RAD51B: variants seen among roughly 807,000 people sequenced by gnomAD.
RAD51B encodes the protein DNA repair protein RAD51 homolog 2.
A neutral mutation model predicts 42.2 loss-of-function variants in RAD51B; 38 were observed. The observed-to-expected ratio is 0.90, with a 90% confidence interval of 0.70 to 1.18. RAD51B has a LOEUF of 1.18. Ranked by LOEUF, RAD51B falls within the 50% of genes most tolerant of loss-of-function variation. The probability of loss-of-function intolerance (pLI) is 0.00; values close to 1 mark genes in which losing one functional copy is unlikely to be tolerated. For synonymous variants in RAD51B, 154 were observed against 145.2 expected, an observed-to-expected ratio of 1.06 and a Z score of -0.43; for missense variants, 373 against 400.7, an observed-to-expected ratio of 0.93 and a Z score of 0.59.
chr14:68,535,568 G>A (rs1476580584), intron 10 of RAD51B, among the ~76,000 whole-genome samples: 1 of 152,140 alleles, frequency 6.6e-6, no homozygotes, highest in Non-Finnish European at 1.5e-5. Flanking sequence ...GCAGGCCTTA[G>A]GATCACCAGG....
intron 11 of RAD51B, among the ~76,000 whole-genome samples, chr14:68,656,395 C>T (rs1159655364): frequency 1.3e-5 from 2 of 151,554 alleles, no homozygotes; most frequent in African/African-American, 4.9e-5. Context: ...AACCTTTGTC[C>T]AGCTCTCAGA....
intron 7 of RAD51B, among the ~76,000 whole-genome samples, chr14:68,209,014 G>C (rs1220678232): frequency 1.3e-5 from 2 of 152,154 alleles, no homozygotes; most frequent in East Asian, 3.8e-4. Context: ...TTGTTTTGTT[G>C]AGTGGTTTAA....
chr14:68,567,989 C>T (rs780295781), intron 10 of RAD51B, among the ~76,000 whole-genome samples: 8 of 152,136 alleles, frequency 5.3e-5, no homozygotes, highest in Admixed American at 6.5e-5. Flanking sequence ...AAGTTATAGC[C>T]CTGTCCATAA....
chr14:68,200,409 A>G (rs1053275740), intron 7 of RAD51B, among the ~76,000 whole-genome samples: 1 of 152,346 alleles, frequency 6.6e-6, no homozygotes, highest in South Asian at 2.1e-4. Flanking sequence ...TATTTAAAGT[A>G]TTACCCACTA....
chr14:68,303,457 TA>T (rs58955054), intron 8 of RAD51B, among the ~76,000 whole-genome samples: 23,238 of 138,130 alleles, frequency 0.17, 2,278 homozygotes, highest in East Asian at 0.39. Flanking sequence ...TAAAGTATAA[TA>T]AAAAAAAAAA....
chr14:68,491,113 C>T (rs939761235), intron 10 of RAD51B, among the ~76,000 whole-genome samples: 3 of 152,204 alleles, frequency 2.0e-5, no homozygotes, highest in Non-Finnish European at 4.4e-5. Flanking sequence ...TCCTAAGGCA[C>T]CCTGCCCAGT....
intron 7 of RAD51B, among the ~76,000 whole-genome samples, chr14:67,997,946 CT>C (rs2075414599): frequency 1.3e-5 from 2 of 152,150 alleles, no homozygotes; most frequent in Non-Finnish European, 2.9e-5. Context: ...TATTGTCTTT[CT>C]GTAAAGAATG....
chr14:68,283,383 A>G (rs938553147), intron 7 of RAD51B, among the ~76,000 whole-genome samples: 8 of 152,224 alleles, frequency 5.3e-5, no homozygotes, highest in Non-Finnish European at 1.2e-4. Context: ...GAAGGCTGGT[A>G]GGATAGTTTC....
intron 9 of RAD51B, among the ~76,000 whole-genome samples, chr14:68,423,188 G>C (rs1332680729): frequency 6.6e-6 from 1 of 152,152 alleles, no homozygotes; most frequent in East Asian, 1.9e-4. Context: ...AGTGAACTGG[G>C]ATTATGATCT....
intron 10 of RAD51B, chr14:68,562,953 C>G (rs1286719791): frequency 1.0e-6 from 1 of 985,300 alleles, no homozygotes; most frequent in East Asian, 1.1e-4. Flanking sequence ...ACAAAGGAAG[C>G]AATAGTGTGC....
At chr14:67,991,312 G>A (rs1402731408) in intron 7 of RAD51B, among the ~76,000 whole-genome samples, 1 of 152,190 alleles carries the variant, frequency 6.6e-6, no homozygotes, top group African/African-American at 2.4e-5. Context: ...TGATTTAGTA[G>A]ATGCTAGTTA....
chr14:67,844,711 C>T (rs2041552125), intron 4 of RAD51B, among the ~76,000 whole-genome samples: 1 of 151,570 alleles, frequency 6.6e-6, no homozygotes, highest in South Asian at 2.1e-4. Flanking sequence ...TGTTGGTGTG[C>T]TGCACCCATT....
At chr14:68,108,056 C>G (rs771615027) in intron 7 of RAD51B, among the ~76,000 whole-genome samples, 4 of 151,142 alleles carry the variant, frequency 2.6e-5, no homozygotes, top group Non-Finnish European at 5.9e-5. Flanking sequence ...TGCAAATGGC[C>G]AATAAGCACA....
intron 7 of RAD51B, among the ~76,000 whole-genome samples, chr14:67,986,504 A>G (rs545129785): frequency 6.6e-6 from 1 of 152,322 alleles, no homozygotes; most frequent in Admixed American, 6.5e-5. Flanking sequence ...ACCCTTTGCA[A>G]TAACGTTTGA....
At position 68,348,217 on chromosome 14, in the gene RAD51B, T is replaced by A. The variant is rs796735477; in HGVS notation, c.853+56237T>A. On this transcript the variant is annotated intron_variant, in intron 8 of 10. Transcript: ENST00000471583. ...GATGATAAATGTAGACTAAGTTTTT[T>A]AAAATCATATAAAAATTTAAAATAC... is the stretch of plus-strand genomic sequence containing the variant. Among the ~76,000 whole-genome samples the A allele has an allele frequency of 4.7e-4, 71 of 152,344 alleles. 3 individuals are homozygous for A. The highest frequency in any genetic ancestry group is 1.7e-3 in the African/African-American group (70 of 41,582).
intron 8 of RAD51B, among the ~76,000 whole-genome samples, chr14:68,350,974 A>G (rs1236339708): frequency 2.0e-5 from 3 of 152,210 alleles, no homozygotes; most frequent in Non-Finnish European, 4.4e-5. Context: ...TGGGAAAGGA[A>G]TCCTTTCTTC....
At chr14:68,181,985 A>G (rs1220953420) in intron 7 of RAD51B, among the ~76,000 whole-genome samples, 1 of 152,208 alleles carries the variant, frequency 6.6e-6, no homozygotes. Flanking sequence ...TAAAGAATAT[A>G]ATGATGTATG....
intron 7 of RAD51B, among the ~76,000 whole-genome samples, chr14:68,187,673 A>T (rs888156602): frequency 2.6e-5 from 4 of 152,220 alleles, no homozygotes; most frequent in African/African-American, 9.7e-5. Context: ...GCATGTTTGT[A>T]TACAGTCCTT....
intron 7 of RAD51B, among the ~76,000 whole-genome samples, chr14:67,949,920 T>G (rs1367644879): frequency 6.6e-6 from 1 of 152,196 alleles, no homozygotes; most frequent in African/African-American, 2.4e-5. Context: ...GAATCTTTTC[T>G]TCTGAGCAGT....
Sources: gnomAD v4.1 joint callset for allele counts (sites outside exome capture counted in the v4.1 genomes callset) on GRCh38, gnomAD v4.1.1 for gene constraint, MANE v1.5 for transcripts, NCBI Gene and HGNC (gene_info 2026-07-23, HGNC 2026-07-21) for gene names.